TTLL10: variants seen among roughly 807,000 people sequenced by gnomAD.
The protein encoded by TTLL10 is inactive polyglycylase TTLL10.
In TTLL10, 61 loss-of-function variants were observed where a neutral mutation model predicts 69.0. That is an observed-to-expected ratio of 0.88 (90% CI 0.72 to 1.09). The LOEUF (loss-of-function observed/expected upper bound fraction) is 1.09. Ranked by LOEUF, TTLL10 falls within the 50% of genes least tolerant of loss-of-function variation. The probability of loss-of-function intolerance (pLI) is 0.00; values close to 1 mark genes in which losing one functional copy is unlikely to be tolerated. For missense variants in TTLL10, 962 were observed against 945.9 expected, an observed-to-expected ratio of 1.02 and a Z score of -0.22; for synonymous variants, 408 against 393.3, an observed-to-expected ratio of 1.04 and a Z score of -0.44.
chr1:1,197,244 C>A, intron 15 of TTLL10, 58 bp downstream of exon 15: 2 of 1,464,076 alleles, frequency 1.4e-6, no homozygotes, highest in Non-Finnish European at 9.3e-7. Context: ...TGAATGCCTA[C>A]CTGCCCTCTT....
In TTLL10 at chr1:1,187,009, G is replaced by T. The variant is rs1164404509; in HGVS notation, c.1401+1900G>T. On this transcript the variant is annotated intron_variant, in intron 13 of 15. Coordinates refer to ENST00000379289, the MANE Select transcript of TTLL10 (RefSeq NM_001130045.2). ...CTACAGGCGCCCGCCACCACGCCCG[G>T]CTAATTCTTTGTATTTTTAGTAGAG... Among the ~76,000 whole-genome samples, 3 of 134,786 alleles carry T rather than the reference G, an allele frequency of 2.2e-5. No homozygotes were observed. The South Asian group carries it at 8.3e-4, about 37-fold the overall frequency. The allele number at this position is 134,786 out of a possible 152,430, so 88.4% of individuals were successfully genotyped here.
At chr1:1,187,058 G>A (rs1444594672) in intron 13 of TTLL10, among the ~76,000 whole-genome samples, 3 of 151,622 alleles carry the variant, frequency 2.0e-5, no homozygotes, top group African/African-American at 7.3e-5. Flanking sequence ...GTGTTAGCCA[G>A]GATGGTCTCG....
Position 1,182,415 on chromosome 1 carries a change from C to A in TTLL10, c.885C>A (p.His295Gln). ...AGACCTACCGCCTGGACCTCAAACA[C>A]GAGAGAGAGGCCTTTTTCACCTTGT... ...FPETYRLDLK[H>Q]EREAFFTLFD... Residue 295 changes from histidine to glutamine, a missense_variant, in exon 10 of 16, where the codon CAC becomes CAA. Physicochemically the swap from His to Gln is conservative, Grantham distance 24. Coordinates refer to ENST00000379289, the MANE Select transcript of TTLL10 (RefSeq NM_001130045.2). 6.2e-7 allele frequency: 1 copy of A among 1,613,990 alleles called. No individual in the cohort carries two copies. Among genetic ancestry groups the A allele is most frequent in the Non-Finnish European group, 8.5e-7 (1 of 1,179,934 alleles).
intron 14 of TTLL10, among the ~76,000 whole-genome samples, 177 bp from the exon 15 acceptor site, chr1:1,196,916 C>A (rs1648253913): frequency 6.6e-6 from 1 of 152,112 alleles, no homozygotes; most frequent in Non-Finnish European, 1.5e-5. Context: ...CTCCTCAGAG[C>A]AGCCCCCTCA....
intron 13 of TTLL10, among the ~76,000 whole-genome samples, chr1:1,192,127 G>T (rs12021582): frequency 6.6e-6 from 1 of 152,066 alleles, no homozygotes; most frequent in Non-Finnish European, 1.5e-5. Flanking sequence ...AGGTCTGTTT[G>T]GTTTATAATG....
chr1:1,192,132 A>C (rs1036081093), intron 13 of TTLL10, among the ~76,000 whole-genome samples: 14 of 152,316 alleles, frequency 9.2e-5, no homozygotes, highest in African/African-American at 3.1e-4. Context: ...TGTTTGGTTT[A>C]TAATGTTGTT....
intron 13 of TTLL10, among the ~76,000 whole-genome samples, chr1:1,189,594 C>T (rs78717314): frequency 0.014 from 2,185 of 152,236 alleles, 54 homozygotes; most frequent in East Asian, 0.11. Flanking sequence ...ATTAAGGTAA[C>T]CCTGGCCTCA....
chr1:1,176,840 G>C (rs1269721408), intron 3 of TTLL10, among the ~76,000 whole-genome samples: 1 of 152,184 alleles, frequency 6.6e-6, no homozygotes, highest in East Asian at 1.9e-4. Context: ...CCCAACCCCG[G>C]TGTTGCATTT....
chr1:1,184,373 A>C (rs1301734521), intron 12 of TTLL10, among the ~76,000 whole-genome samples: 1 of 152,212 alleles, frequency 6.6e-6, no homozygotes, highest in East Asian at 1.9e-4. Flanking sequence ...CCTGGCTCCC[A>C]AGCCGCAGCT....
At chr1:1,195,109 G>A (rs918519687) in intron 13 of TTLL10, among the ~76,000 whole-genome samples, 5 of 152,206 alleles carry the variant, frequency 3.3e-5, no homozygotes, top group African/African-American at 1.2e-4. Context: ...CGGCCTACCA[G>A]CCTCCCAAGT....
Position 1,182,844 on chromosome 1 carries a change from G to A in TTLL10, c.917-32G>A, listed in dbSNP as rs752580428. 33 of 1,520,314 alleles carry A rather than the reference G, an allele frequency of 2.2e-5. No homozygotes were observed. In the Admixed American group the frequency reaches 2.8e-4, roughly 13 times the overall value. 94.2% of individuals were successfully genotyped at this position (1,520,314 alleles called of 1,614,324 possible). A position where few individuals can be genotyped will look rare whatever the true frequency, so the allele number is the denominator to read the frequency against. On this transcript the variant is annotated intron_variant, in intron 10 of 15. Transcript: ENST00000379289. ...GGAGGGGCGTGGCTGGGTTGGGGGC[G>A]AGGCCAGGGGCTCAGGCCGCGCTCT... is the stretch of plus-strand genomic sequence containing the variant.
chr1:1,197,693 G>C lies in TTLL10; in HGVS notation c.1868G>C (p.Arg623Pro), dbSNP rs540494380. Residue 623 changes from arginine to proline, a missense_variant, in exon 16 of 16, where the codon CGG (arginine) becomes CCG (proline). By Grantham distance (103) the Arg-to-Pro change is moderately radical. Transcript: ENST00000379289. ...CCTCCCTTGGTGCCGCAGCGTCCCC[G>C]GCCACCCGGCCCCGACCTGGACAGC... Reference protein sequence around the residue: ...APPPLVPQRPRPPGPDLDSAH... With the variant: ...APPPLVPQRPPPPGPDLDSAH... 2.6e-6 allele frequency: 4 copies of C among 1,511,046 alleles called. No homozygotes were observed. Among genetic ancestry groups the C allele is most frequent in the East Asian group, 5.4e-5 (2 of 37,300 alleles). 93.6% of individuals were successfully genotyped at this position (1,511,046 alleles called of 1,614,324 possible).
In TTLL10 at chr1:1,197,589, G is replaced by A. The variant is rs907910364; in HGVS notation, c.1764G>A (p.Leu588=). The part of the protein sequence containing the change: ...GSCSLRRWPP[L]PTRQAKSSGP... ...GCAGCCTCCGCCGCTGGCCGCCCCTGCCCACCCGCCAGGCCAAGTCCTCCG... is the reference window on the plus strand; with the variant it reads ...GCAGCCTCCGCCGCTGGCCGCCCCTACCCACCCGCCAGGCCAAGTCCTCCG... The change falls in exon 16 of 16, where the codon CTG becomes CTA. Residue 588 remains leucine, a synonymous_variant. Coordinates refer to ENST00000379289, the MANE Select transcript of TTLL10 (RefSeq NM_001130045.2). 2 of 1,512,996 alleles carry A rather than the reference G, an allele frequency of 1.3e-6. No individual in the cohort carries two copies. The highest frequency in any genetic ancestry group is 1.4e-5 in the African/African-American group (1 of 71,386). The allele number at this position is 1,512,996 out of a possible 1,614,324, so 93.7% of individuals were successfully genotyped here. A position where few individuals can be genotyped will look rare whatever the true frequency, so the allele number is the denominator to read the frequency against.
At chr1:1,194,110 C>T (rs1194641048) in intron 13 of TTLL10, among the ~76,000 whole-genome samples, 1 of 152,164 alleles carries the variant, frequency 6.6e-6, no homozygotes, top group Non-Finnish European at 1.5e-5. Context: ...GAGCCACAAT[C>T]AAACCACATT....
intron 6 of TTLL10, 37 bp from the exon 7 acceptor site, chr1:1,180,446 T>TC: frequency 3.8e-6 from 5 of 1,310,342 alleles, no homozygotes; most frequent in Admixed American, 2.4e-5. Context: ...ACCCCTTGCC[T>TC]CGGCCCCCAG....
Position 1,180,078 on chromosome 1 carries a change from C to A in TTLL10, c.244C>A (p.Leu82Ile). The A allele has an allele frequency of 6.2e-7, 1 of 1,603,202 alleles. No homozygotes were observed. Among genetic ancestry groups the A allele is most frequent in the East Asian group, 2.2e-5 (1 of 44,624 alleles). The stretch of plus-strand genomic sequence containing the variant: ...AATGGGGAGCAGCCAGGAGGAGGGA[C>A]TCCGGTGTCAGCCAAGCCAGCCAGA... ...RPMGSSQEEGLRCQPSQPDHD... is the reference protein window; with the variant it reads ...RPMGSSQEEGIRCQPSQPDHD... Residue 82 changes from leucine (L) to isoleucine (I), a missense_variant, in exon 6 of 16, where the codon CTC becomes ATC. By Grantham distance (5) the Leu-to-Ile change is conservative. Coordinates refer to ENST00000379289, the MANE Select transcript of TTLL10 (RefSeq NM_001130045.2).
In TTLL10 at chr1:1,183,014, C is replaced by T. The variant is rs779469524; in HGVS notation, c.1055C>T (p.Pro352Leu). ...MEDDPIHHKT[P>L]FRGPQARVVQ... is the part of the protein sequence containing the mutation. Reference sequence around the variant, plus strand: ...GACGACCCCATCCACCACAAGACGCCGTTCCGGGGGCCTCAGGCGCGGGTG... The same window carrying T: ...GACGACCCCATCCACCACAAGACGCTGTTCCGGGGGCCTCAGGCGCGGGTG... Residue 352 changes from proline to leucine, a missense_variant, in exon 11 of 16, where the codon CCG becomes CTG. Transcript: ENST00000379289. 54 of 1,609,246 alleles carry T rather than the reference C, an allele frequency of 3.4e-5. No individual in the cohort carries two copies. Among genetic ancestry groups the T allele is most frequent in the Middle Eastern group, 1.6e-4 (1 of 6,072 alleles).
intron 3 of TTLL10, chr1:1,175,242 C>T (rs1646836435): frequency 1.1e-5 from 2 of 190,118 alleles, no homozygotes; most frequent in Non-Finnish European, 2.1e-5. Flanking sequence ...CTCAGGCTTA[C>T]GATGAAATCA....
chr1:1,190,083 G>T (rs1368817688), intron 13 of TTLL10, among the ~76,000 whole-genome samples: 2 of 150,282 alleles, frequency 1.3e-5, no homozygotes, highest in Non-Finnish European at 3.0e-5. Flanking sequence ...CTGCACTCCA[G>T]CCTGGGGGAC....
Sources: allele counts gnomAD v4.1 joint callset (sites outside exome capture counted in the v4.1 genomes callset), GRCh38; gene constraint gnomAD v4.1.1; transcripts MANE v1.5; gene names NCBI Gene and HGNC (gene_info 2026-07-23, HGNC 2026-07-21).